ZFHX3: variants seen among roughly 807,000 people sequenced by gnomAD.
The protein encoded by ZFHX3 is zinc finger homeobox protein 3.
Under a neutral mutation model 279.1 loss-of-function variants are expected in ZFHX3, and 42 were observed. That is an observed-to-expected ratio of 0.15 (90% CI 0.12 to 0.19). The LOEUF (loss-of-function observed/expected upper bound fraction) is 0.19, where lower values mean the gene tolerates loss of function less well. Among genes scored for constraint, ZFHX3 ranks in the 10% least tolerant of loss-of-function variants. The pLI is 1.00. For synonymous variants in ZFHX3, 2,293 were observed against 1,957.8 expected, an observed-to-expected ratio of 1.17 and a Z score of -4.52; for missense variants, 4,981 against 4,754.0, an observed-to-expected ratio of 1.05 and a Z score of -1.40.
intron 2 of ZFHX3, among the ~76,000 whole-genome samples, chr16:73,647,161 T>C (rs907857661): frequency 7.9e-5 from 12 of 152,056 alleles, no homozygotes; most frequent in South Asian, 6.2e-4. Context: ...TACAGGCGCC[T>C]GCCACCACAG....
At chr16:73,739,220 A>C (rs1429398504) in intron 1 of ZFHX3, among the ~76,000 whole-genome samples, 5 of 152,206 alleles carry the variant, frequency 3.3e-5, no homozygotes, top group Non-Finnish European at 5.9e-5. Flanking sequence ...ACAGATACAC[A>C]GGAGTTGTGC....
intron 1 of ZFHX3, among the ~76,000 whole-genome samples, chr16:73,807,821 C>T (rs1463993841): frequency 1.3e-5 from 2 of 151,678 alleles, no homozygotes; most frequent in Non-Finnish European, 2.9e-5. Context: ...CCCATTCACG[C>T]GGGACTCTAA....
At chr16:72,894,760 G>A (rs2038856365) in intron 3 of ZFHX3, among the ~76,000 whole-genome samples, 1 of 152,160 alleles carries the variant, frequency 6.6e-6, no homozygotes, top group African/African-American at 2.4e-5. Context: ...CTCAAGAAAG[G>A]AGCTGCCTGC....
At chr16:73,666,161 G>A (rs1279634302) in intron 2 of ZFHX3, among the ~76,000 whole-genome samples, 2 of 151,702 alleles carry the variant, frequency 1.3e-5, no homozygotes, top group African/African-American at 4.9e-5. Context: ...GCAGTTTGTG[G>A]GCTGGAGAGT....
chr16:73,025,267 G>A (rs1467439478), intron 1 of ZFHX3, among the ~76,000 whole-genome samples: 1 of 152,116 alleles, frequency 6.6e-6, no homozygotes, highest in Non-Finnish European at 1.5e-5. Flanking sequence ...TTCCCAATGC[G>A]GCGGCAGCCA....
chr16:73,844,246 A>G (rs1344155329), intron 1 of ZFHX3, among the ~76,000 whole-genome samples: 1 of 152,216 alleles, frequency 6.6e-6, no homozygotes, highest in African/African-American at 2.4e-5. Flanking sequence ...ATGCAGTGAA[A>G]TGTATGGGTC....
At chr16:72,828,094 C>G (rs1450990009) in intron 5 of ZFHX3, among the ~76,000 whole-genome samples, 1 of 152,164 alleles carries the variant, frequency 6.6e-6, no homozygotes, top group African/African-American at 2.4e-5. Context: ...TGGCCTCTCT[C>G]CAAGATTCTG....
intron 3 of ZFHX3, among the ~76,000 whole-genome samples, chr16:72,918,555 C>G (rs1264092698): frequency 6.6e-6 from 1 of 152,120 alleles, no homozygotes; most frequent in East Asian, 1.9e-4. Context: ...AAAAGTATCT[C>G]TACCCCTGCA....
At chr16:72,898,485 G>T (rs1369820595) in intron 3 of ZFHX3, among the ~76,000 whole-genome samples, 1 of 152,138 alleles carries the variant, frequency 6.6e-6, no homozygotes, top group African/African-American at 2.4e-5. Flanking sequence ...TAGTGGCCTT[G>T]AGAAAAACAG....
At chr16:73,263,117 G>A (rs28433231) in intron 4 of ZFHX3, among the ~76,000 whole-genome samples, 15,473 of 152,028 alleles carry the variant, frequency 0.1, 1,216 homozygotes, top group East Asian at 0.46. Flanking sequence ...GTTACACAGC[G>A]AAAGCTAACT....
At chr16:73,796,999 C>T (rs1387968268) in intron 1 of ZFHX3, among the ~76,000 whole-genome samples, 1 of 151,612 alleles carries the variant, frequency 6.6e-6, no homozygotes, top group African/African-American at 2.4e-5. Context: ...GTCGGGAGTT[C>T]GAGACCAGCC....
rs1354478944 is a variant in ZFHX3 at position 72,811,752 on chromosome 16, T to A, written c.3689A>T (p.Tyr1230Phe). 4 of 1,613,872 alleles carry A rather than the reference T, an allele frequency of 2.5e-6. No homozygotes were observed. Among genetic ancestry groups the A allele is most frequent in the Non-Finnish European group, 3.4e-6 (4 of 1,179,942 alleles). ...GAGCCGGTTGACATCGGCATTACTG[T>A]ACTTGCAGTAGGGACACTGGTACAT... ...EQMYQCPYCK[Y>F]SNADVNRLRV... is the part of the protein sequence containing the mutation. Residue 1230 changes from tyrosine to phenylalanine, a missense_variant, in exon 7 of 10, where the codon TAC becomes TTC. Around this residue, in one of 7 missense-constraint regions of ZFHX3, gnomAD observed 1,751 missense variants for 1,770.0 expected, o/e 0.99. Coordinates refer to ENST00000268489, the MANE Select transcript of ZFHX3 (RefSeq NM_006885.4).
At chr16:73,102,309 A>T (rs771579782) in intron 7 of ZFHX3, among the ~76,000 whole-genome samples, 2 of 152,164 alleles carry the variant, frequency 1.3e-5, no homozygotes, top group Non-Finnish European at 2.9e-5. Context: ...TCCAGTATGG[A>T]AATCCAGGGT....
intron 3 of ZFHX3, among the ~76,000 whole-genome samples, chr16:73,446,634 T>C (rs1460140545): frequency 6.6e-6 from 1 of 152,014 alleles, no homozygotes; most frequent in East Asian, 1.9e-4. Flanking sequence ...AACACAGGAA[T>C]AGAAAACCAA....
At position 73,483,918 on chromosome 16, in the gene ZFHX3, C is replaced by T. The variant is rs141836445; in HGVS notation, c.-1546-27660G>A. Among the ~76,000 whole-genome samples, 1,277 of 143,008 alleles carry T rather than the reference C, an allele frequency of 8.9e-3. 12 individuals carry two copies. The highest frequency in any genetic ancestry group is 0.056 in the Middle Eastern group (16 of 288). 93.8% of individuals were successfully genotyped at this position (143,008 alleles called of 152,430 possible). A position where few individuals can be genotyped will look rare whatever the true frequency, so the allele number is the denominator to read the frequency against. ...TTTTCTTTTCTTCCCCTGTTCCCCA[C>T]CCTCTGCCTTTGTTTTTTTTTTTTT... On this transcript the variant is annotated intron_variant, in intron 2 of 17. Transcript: ENST00000641206.
chr16:73,593,702 G>A (rs147438793), intron 2 of ZFHX3, among the ~76,000 whole-genome samples: 1 of 151,988 alleles, frequency 6.6e-6, no homozygotes, highest in Non-Finnish European at 1.5e-5. Flanking sequence ...GCAGATTTTG[G>A]TATCTGCAGG....
At chr16:73,567,781 C>A (rs1040662145) in intron 2 of ZFHX3, among the ~76,000 whole-genome samples, 2 of 152,180 alleles carry the variant, frequency 1.3e-5, no homozygotes, top group Non-Finnish European at 2.9e-5. Context: ...TGTCAACAGG[C>A]AACAATATTG....
chr16:73,619,528 G>A (rs2052338203), intron 2 of ZFHX3, among the ~76,000 whole-genome samples: 1 of 145,692 alleles, frequency 6.9e-6, no homozygotes, highest in Admixed American at 6.7e-5. Flanking sequence ...ATGTCTGTAA[G>A]CTATCAGCAT....
chr16:73,505,175 C>G (rs950660970), intron 2 of ZFHX3, among the ~76,000 whole-genome samples: 12 of 152,066 alleles, frequency 7.9e-5, no homozygotes, highest in Non-Finnish European at 1.5e-4. Flanking sequence ...TCAACCCGAG[C>G]CTTTTCAGAT....
Sources: allele counts gnomAD v4.1 joint callset (sites outside exome capture counted in the v4.1 genomes callset), GRCh38; gene constraint gnomAD v4.1.1; regional missense constraint gnomAD v4.1.1; transcripts MANE v1.5; gene names NCBI Gene and HGNC (gene_info 2026-07-23, HGNC 2026-07-21).